Variants in SH3GL2 observed in about 807,000 individuals in gnomAD.
SH3GL2 encodes the protein SH3 domain containing GRB2 like 2, endophilin A1, also known as endophilin-A1.
SH3GL2 carries 24 observed loss-of-function variants against 46.0 expected under a neutral mutation model. The observed-to-expected ratio is 0.52, with a 90% CI of 0.38 to 0.73. SH3GL2 has a LOEUF of 0.73. Ranked by LOEUF, SH3GL2 falls within the 30% of genes least tolerant of loss-of-function variation. The pLI, the probability that SH3GL2 is intolerant of heterozygous loss-of-function variation, is 0.00. For synonymous variants in SH3GL2, 196 were observed against 147.1 expected (o/e 1.33, Z -2.40); for missense variants, 413 against 424.2 (o/e 0.97, Z 0.23).
intron 1 of SH3GL2, among the ~76,000 whole-genome samples, chr9:17,664,514 A>C (rs571762466): frequency 6.6e-6 from 1 of 152,268 alleles, no homozygotes; most frequent in African/African-American, 2.4e-5. Flanking sequence ...GTTGTCAGAC[A>C]GTGAAGAATT....
At chr9:17,591,726 C>G (rs925807846) in intron 1 of SH3GL2, among the ~76,000 whole-genome samples, 4 of 152,068 alleles carry the variant, frequency 2.6e-5, no homozygotes, top group Non-Finnish European at 5.9e-5. Flanking sequence ...AGTAGTAGCC[C>G]AAGATGGAGT....
intron 1 of SH3GL2, among the ~76,000 whole-genome samples, chr9:17,654,076 A>G (rs1820014909): frequency 1.3e-5 from 2 of 152,162 alleles, no homozygotes; most frequent in Non-Finnish European, 2.9e-5. Context: ...TAGCTTCTAG[A>G]AGGTGTCAAG....
chr9:17,693,852 C>G, intron 1 of SH3GL2, among the ~76,000 whole-genome samples: 1 of 152,046 alleles, frequency 6.6e-6, no homozygotes, highest in East Asian at 1.9e-4. Flanking sequence ...ATCGTGGTAA[C>G]CACCCCTGTC....
intron 1 of SH3GL2, among the ~76,000 whole-genome samples, chr9:17,691,480 A>G (rs1385957280): frequency 2.0e-5 from 3 of 152,158 alleles, no homozygotes; most frequent in Non-Finnish European, 4.4e-5. Context: ...TGGGCGGCCT[A>G]CAAACAAATC....
At chr9:17,610,642 T>A (rs1249093863) in intron 1 of SH3GL2, among the ~76,000 whole-genome samples, 1 of 152,168 alleles carries the variant, frequency 6.6e-6, no homozygotes, top group Non-Finnish European at 1.5e-5. Flanking sequence ...TAGTGTTGAA[T>A]TTTTTTCATT....
At chr9:17,786,303 G>T (rs1447382690) in intron 3 of SH3GL2, 78 bp from the exon 4 acceptor site, 3 of 1,385,082 alleles carry the variant, frequency 2.2e-6, no homozygotes, top group South Asian at 2.7e-5. Context: ...GCTGCTCTGA[G>T]ACCTGATCCT....
chr9:17,688,460 A>G (rs1316239862), intron 1 of SH3GL2, among the ~76,000 whole-genome samples: 1 of 152,072 alleles, frequency 6.6e-6, no homozygotes, highest in Non-Finnish European at 1.5e-5. Flanking sequence ...AAGACAAACG[A>G]AAATAAGACC....
intron 1 of SH3GL2, among the ~76,000 whole-genome samples, chr9:17,742,063 A>G (rs770472010): frequency 1.7e-4 from 26 of 152,318 alleles, no homozygotes; most frequent in African/African-American, 5.1e-4. Flanking sequence ...GCTGAACAAA[A>G]TCAGGGAAAT....
At chr9:17,758,545 G>C (rs1488636967) in intron 2 of SH3GL2, among the ~76,000 whole-genome samples, 3 of 85,362 alleles carry the variant, frequency 3.5e-5, no homozygotes, top group Non-Finnish European at 4.4e-5. Flanking sequence ...CTGGGGGAGA[G>C]AGTAAGACCC....
intron 1 of SH3GL2, among the ~76,000 whole-genome samples, chr9:17,659,257 A>C (rs80133156): frequency 0.01 from 1,564 of 152,258 alleles, 17 homozygotes; most frequent in Middle Eastern, 0.024. Flanking sequence ...TCTCAGACAA[A>C]GCTTTGGTTC....
At chr9:17,792,020 C>T (rs978332603) in intron 7 of SH3GL2, among the ~76,000 whole-genome samples, 1 of 152,118 alleles carries the variant, frequency 6.6e-6, no homozygotes, top group African/African-American at 2.4e-5. Context: ...TTAATTTAGC[C>T]AGATTAAACA....
chr9:17,641,109 G>A (rs1819670441), intron 1 of SH3GL2, among the ~76,000 whole-genome samples: 1 of 152,172 alleles, frequency 6.6e-6, no homozygotes, highest in South Asian at 2.1e-4. Context: ...TTATAAAGGA[G>A]CCTTTTTTGG....
chr9:17,693,573 C>T (rs900597631), intron 1 of SH3GL2, among the ~76,000 whole-genome samples: 1 of 119,026 alleles, frequency 8.4e-6, no homozygotes, highest in African/African-American at 3.7e-5. Context: ...CACACACATA[C>T]ACACACACAT....
chr9:17,706,891 A>G (rs1241691451), intron 1 of SH3GL2, among the ~76,000 whole-genome samples: 2 of 152,052 alleles, frequency 1.3e-5, no homozygotes, highest in African/African-American at 4.8e-5. Context: ...GTTTTACCTC[A>G]ACAAAATAGT....
At chr9:17,743,928 T>C (rs1822606509) in intron 1 of SH3GL2, among the ~76,000 whole-genome samples, 1 of 152,220 alleles carries the variant, frequency 6.6e-6, no homozygotes, top group Non-Finnish European at 1.5e-5. Context: ...TATTTCCTTG[T>C]GTGTCTGTTT....
At chr9:17,610,397 G>A (rs1818838342) in intron 1 of SH3GL2, among the ~76,000 whole-genome samples, 1 of 152,052 alleles carries the variant, frequency 6.6e-6, no homozygotes, top group Non-Finnish European at 1.5e-5. Context: ...AGGTTATTAG[G>A]GCCATTAAAG....
intron 1 of SH3GL2, among the ~76,000 whole-genome samples, chr9:17,649,841 T>C (rs999146585): frequency 6.6e-6 from 1 of 152,230 alleles, no homozygotes; most frequent in Non-Finnish European, 1.5e-5. Flanking sequence ...CAATTTGTTA[T>C]ACACCTGTTG....
intron 1 of SH3GL2, among the ~76,000 whole-genome samples, chr9:17,629,490 T>A (rs948266734): frequency 6.6e-6 from 1 of 152,202 alleles, no homozygotes; most frequent in African/African-American, 2.4e-5. Context: ...TTTCATTTCA[T>A]AACATTCTTC....
At chr9:17,673,140 AC>A (rs1028442031) in intron 1 of SH3GL2, among the ~76,000 whole-genome samples, 13 of 150,170 alleles carry the variant, frequency 8.7e-5, no homozygotes, top group African/African-American at 3.2e-4. Context: ...TCTCACCTTG[AC>A]TTTTTTTTTG....
Sources: allele counts gnomAD v4.1 joint callset (sites outside exome capture counted in the v4.1 genomes callset), GRCh38; gene constraint gnomAD v4.1.1; transcripts MANE v1.5; gene names NCBI Gene and HGNC (gene_info 2026-07-23, HGNC 2026-07-21).